The following NT5DC4 variants were observed in gnomAD, a reference collection of about 807,000 sequenced individuals.
The protein encoded by NT5DC4 is 5'-nucleotidase domain-containing protein 4.
NT5DC4 carries 44 observed loss-of-function variants against 26.6 expected under a neutral mutation model. The observed-to-expected ratio is 1.65, with a 90% CI of 1.30 to 2.13. The LOEUF is 2.13. NT5DC4 is among the 30% of genes most tolerant of loss of function. NT5DC4 has a pLI of 0.00. For synonymous variants in NT5DC4, 157 were observed against 86.7 expected (o/e 1.81, Z -4.51); for missense variants, 399 against 228.1 (o/e 1.75, Z -4.83).
At chr2:112,733,452 T>C (rs1477581185) in intron 16 of NT5DC4, among the ~76,000 whole-genome samples, 1 of 152,076 alleles carries the variant, frequency 6.6e-6, no homozygotes, top group Non-Finnish European at 1.5e-5. Flanking sequence ...GGGGGGGACA[T>C]GGGACCAAGT....
chr2:112,725,064 C>T (rs1677517199), intron 11 of NT5DC4, 110 bp from the exon 12 acceptor site: 1 of 652,552 alleles, frequency 1.5e-6, no homozygotes, highest in African/African-American at 1.8e-5. Flanking sequence ...CCTCCTTCCT[C>T]CCACACCCCC....
chr2:112,734,430 G>C (rs1306738715), intron 16 of NT5DC4, among the ~76,000 whole-genome samples: 1 of 152,078 alleles, frequency 6.6e-6, no homozygotes, highest in African/African-American at 2.4e-5. Context: ...TGTCCATGAG[G>C]TTATAAGATG....
At chr2:112,729,803 A>G (rs967496721) in intron 16 of NT5DC4, 99 bp downstream of exon 16, 3 of 690,776 alleles carry the variant, frequency 4.3e-6, no homozygotes, top group Non-Finnish European at 8.1e-6. Context: ...GCATGAGGCA[A>G]TTGGTGGGGG....
In NT5DC4 at chr2:112,722,106, G is replaced by A. The variant is rs752864192; in HGVS notation, c.266+3G>A. The A allele has an allele frequency of 3.6e-5, 26 of 716,920 alleles. No homozygotes were observed. The highest frequency in any genetic ancestry group is 3.0e-4 in the South Asian group (20 of 67,606). 44.4% of individuals were successfully genotyped at this position (716,920 alleles called of 1,614,324 possible). On this transcript the variant is annotated splice_donor_region_variant and intron_variant, in intron 3 of 16. Coordinates refer to ENST00000688554, the MANE Select transcript of NT5DC4 (RefSeq NM_001393655.1). ...TACGACCCCACCTTCCCCACCAGGT[G>A]TGTGGCTCAGGACAGGTGGGAGGCC...
chr2:112,725,060 T>C, intron 11 of NT5DC4, 114 bp from the exon 12 acceptor site: 1 of 652,224 alleles, frequency 1.5e-6, no homozygotes, highest in South Asian at 1.7e-5. Flanking sequence ...GCTGCCTCCT[T>C]CCTCCCACAC....
Position 112,722,164 on chromosome 2 carries a change from C to G in NT5DC4, c.267-19C>G, listed in dbSNP as rs754085945. The G allele has an allele frequency of 1.7e-6, 1 of 581,766 alleles. No homozygotes were observed. Among genetic ancestry groups the G allele is most frequent in the South Asian group, 1.6e-5 (1 of 63,110 alleles). 36.0% of individuals were successfully genotyped at this position (581,766 alleles called of 1,614,324 possible). A position where few individuals can be genotyped will look rare whatever the true frequency, so the allele number is the denominator to read the frequency against. On this transcript the variant is annotated intron_variant, in intron 3 of 16. Coordinates refer to ENST00000688554, the MANE Select transcript of NT5DC4 (RefSeq NM_001393655.1). ...CTTGGTACCCCCACCCACAGTGCCC[C>G]CCGACCCCCCGTCTGCAGGCGGCTG...
At position 112,721,814 on chromosome 2, in the gene NT5DC4, C is replaced by T. The variant is rs1160736061; in HGVS notation, c.75-4C>T. On this transcript the variant is annotated splice_polypyrimidine_tract_variant and splice_region_variant and intron_variant, in intron 1 of 16. Coordinates refer to ENST00000688554, the MANE Select transcript of NT5DC4 (RefSeq NM_001393655.1). Reference sequence around the variant, plus strand: ...GATGCCAACATCCTCCTCTCTCTCCCCAGGATTTTTGTCAACCGCAGCCTG... The same window carrying T: ...GATGCCAACATCCTCCTCTCTCTCCTCAGGATTTTTGTCAACCGCAGCCTG... 4.2e-6 allele frequency: 3 copies of T among 717,154 alleles called. No individual in the cohort carries two copies. In the African/African-American group the frequency reaches 5.2e-5, roughly 13 times the overall value. The allele number at this position is 717,154 out of a possible 1,614,324, so 44.4% of individuals were successfully genotyped here.
intron 15 of NT5DC4, among the ~76,000 whole-genome samples, chr2:112,728,732 T>C (rs1042836555): frequency 6.6e-6 from 1 of 152,220 alleles, no homozygotes; most frequent in African/African-American, 2.4e-5. Flanking sequence ...ATGCTCAATA[T>C]AACTCAGCAA....
rs572008141 is a variant in NT5DC4 at position 112,721,168 on chromosome 2, T to A, written c.74+15T>A. On this transcript the variant is annotated intron_variant, in intron 1 of 16. Transcript: ENST00000688554. ...TGGCACCAGCGGTGAGATGGGCACC[T>A]GGGGTGGGGGCCAGGGGTCTCAGCC... Among the ~76,000 whole-genome samples, 3 of 152,246 alleles carry A rather than the reference T, an allele frequency of 2.0e-5. No homozygotes were observed. In the South Asian group the frequency reaches 6.2e-4, roughly 32 times the overall value.
chr2:112,722,910 A>C (rs1219112719), intron 6 of NT5DC4, 139 bp downstream of exon 6: 13 of 158,514 alleles, frequency 8.2e-5, no homozygotes, highest in East Asian at 5.2e-4. Context: ...CCTCTATTGC[A>C]GGCTAGCACA....
intron 16 of NT5DC4, among the ~76,000 whole-genome samples, chr2:112,735,038 A>AT (rs70965024): frequency 0.18 from 17,292 of 94,018 alleles, 3,315 homozygotes; most frequent in African/African-American, 0.47. Flanking sequence ...AGGCAAGAAC[A>AT]TTTTTTTTTT....
rs898612450 is a variant in NT5DC4, at chr2:112,723,551, G to A, written c.672+83G>A. 12 of 703,102 alleles carry A rather than the reference G, an allele frequency of 1.7e-5. No homozygotes were observed. In the African/African-American group the frequency reaches 1.9e-4, roughly 11 times the overall value. 43.6% of individuals were successfully genotyped at this position (703,102 alleles called of 1,614,324 possible). On this transcript the variant is annotated intron_variant, in intron 8 of 16. Transcript: ENST00000688554. ...CCGCAACCCTTCTCTGGCTTTCTTC[G>A]AGGTTTAGGCTGAGCTCTGCTCCCC...
rs1677022036 is a variant in NT5DC4 at position 112,722,472 on chromosome 2, G to C, written c.363-11G>C. The C allele has an allele frequency of 4.2e-6, 3 of 717,156 alleles. 1 individual carries two copies. The South Asian group carries it at 4.4e-5, about 11-fold the overall frequency. 44.4% of individuals were successfully genotyped at this position (717,156 alleles called of 1,614,324 possible). On this transcript the variant is annotated splice_polypyrimidine_tract_variant and intron_variant, in intron 4 of 16. Transcript: ENST00000688554. ...AGGAGGCACTGGGGAGGGGTCATTG[G>C]CTGCACCCAGCCTACCCCTCCTCAG...
At chr2:112,719,934 CTTTCTTTCTTTCTTTCTTTCTTTCTT>C (rs1558714898), upstream of NT5DC4, among the ~76,000 whole-genome samples, 115 of 66,026 alleles carry the variant, frequency 1.7e-3, 1 homozygote, top group African/African-American at 7.3e-3. Flanking sequence ...CTCTTTCTTT[CTTTCTTTCTTTCTTTCTTTCTTTCTT>C]TCTTTCTTTC....
chr2:112,727,780 G>A (rs1677935882), intron 15 of NT5DC4, among the ~76,000 whole-genome samples: 1 of 146,934 alleles, frequency 6.8e-6, no homozygotes, highest in African/African-American at 2.4e-5. Context: ...TCAATTCAGT[G>A]TGTTGCCCCT....
At chr2:112,741,936 TTC>T (rs1679996581), downstream of NT5DC4, among the ~76,000 whole-genome samples, 1 of 143,280 alleles carries the variant, frequency 7.0e-6, no homozygotes, top group African/African-American at 2.6e-5. Flanking sequence ...AATTTTTCTT[TTC>T]TGTTTTTTTT....
At position 112,730,602 on chromosome 2, in the gene NT5DC4, C is replaced by T. The variant is rs73955265; in HGVS notation, c.1344+898C>T. Among the ~76,000 whole-genome samples the T allele has an allele frequency of 7.1e-3, 1,083 of 152,224 alleles. 14 individuals carry two copies. Among genetic ancestry groups the T allele is most frequent in the African/African-American group, 0.025 (1,030 of 41,516 alleles). On this transcript the variant is annotated intron_variant, in intron 16 of 16. Coordinates refer to ENST00000688554, the MANE Select transcript of NT5DC4 (RefSeq NM_001393655.1). ...TGAGACAGGAGTGGATGCCTGGATT[C>T]CTCGTTGGGTTCTGCACCCCCAAAA...
upstream of NT5DC4, among the ~76,000 whole-genome samples, chr2:112,719,978 CT>C (rs1245906652): frequency 1.2e-5 from 1 of 81,764 alleles, no homozygotes; most frequent in African/African-American, 5.3e-5. Context: ...TTCTTTCTTT[CT>C]TTCTTTCTTT....
chr2:112,731,500 C>T (rs555628356), intron 16 of NT5DC4: 76 of 152,296 alleles, frequency 5.0e-4, no homozygotes, highest in African/African-American at 1.8e-3. Flanking sequence ...TATATTGCCT[C>T]ACTAACTGCT....
Sources: allele counts gnomAD v4.1 joint callset (sites outside exome capture counted in the v4.1 genomes callset), GRCh38; gene constraint gnomAD v4.1.1; transcripts MANE v1.5; gene names NCBI Gene and HGNC (gene_info 2026-07-23, HGNC 2026-07-21).